ANXA4: variants seen among roughly 807,000 people sequenced by gnomAD.
ANXA4 encodes annexin A4.
In ANXA4, 39 loss-of-function variants were observed where a neutral mutation model predicts 49.8. That is an observed-to-expected ratio of 0.78 (90% CI 0.61 to 1.02). The LOEUF (loss-of-function observed/expected upper bound fraction) is 1.02, where lower values mean the gene tolerates loss of function less well. ANXA4 is among the 50% of genes least tolerant of loss of function. The pLI is 0.00. For synonymous variants in ANXA4, 134 were observed against 152.5 expected, an observed-to-expected ratio of 0.88 and a Z score of 0.89; for missense variants, 360 against 410.1, an observed-to-expected ratio of 0.88 and a Z score of 1.05.
chr2:69,786,088 T>C (rs1243903071), intron 2 of ANXA4, among the ~76,000 whole-genome samples: 2 of 152,238 alleles, frequency 1.3e-5, no homozygotes, highest in African/African-American at 4.8e-5. Flanking sequence ...GGATATTTAA[T>C]GGACATCCCA....
chr2:69,719,779 A>C (rs1290365172), intron 2 of ANXA4, among the ~76,000 whole-genome samples: 1 of 152,104 alleles, frequency 6.6e-6, no homozygotes, highest in East Asian at 1.9e-4. Flanking sequence ...AAAAATCATT[A>C]GTTAAAAATC....
At chr2:69,666,285 T>C (rs1676930497) in intron 2 of ANXA4, among the ~76,000 whole-genome samples, 1 of 152,108 alleles carries the variant, frequency 6.6e-6, no homozygotes, top group African/African-American at 2.4e-5. Context: ...AAAACCACAA[T>C]GAGATACTAC....
chr2:69,667,806 T>C (rs1009784991), intron 2 of ANXA4, among the ~76,000 whole-genome samples: 16 of 152,248 alleles, frequency 1.1e-4, no homozygotes, highest in African/African-American at 3.4e-4. Flanking sequence ...GACTTGCTGC[T>C]GCACCCGGAA....
intron 2 of ANXA4, among the ~76,000 whole-genome samples, chr2:69,686,507 C>T (rs550004349): frequency 3.9e-5 from 6 of 152,306 alleles, no homozygotes; most frequent in Non-Finnish European, 7.3e-5. Context: ...GGCTGGAGTA[C>T]GGTGGCGTGA....
intron 2 of ANXA4, among the ~76,000 whole-genome samples, chr2:69,659,984 C>A (rs1011203758): frequency 1.3e-5 from 2 of 152,060 alleles, no homozygotes; most frequent in Non-Finnish European, 2.9e-5. Flanking sequence ...GAAGCTGGAA[C>A]TCTCAAAGAG....
chr2:69,668,391 T>C (rs1015322199), intron 2 of ANXA4, among the ~76,000 whole-genome samples: 5 of 152,050 alleles, frequency 3.3e-5, no homozygotes, highest in Admixed American at 1.3e-4. Context: ...GTGGGAGGAT[T>C]GCTTGAGCCC....
chr2:69,769,492 A>G (rs1671628032), intron 1 of ANXA4, among the ~76,000 whole-genome samples: 1 of 152,152 alleles, frequency 6.6e-6, no homozygotes, highest in Non-Finnish European at 1.5e-5. Context: ...AATAATAGTC[A>G]TTGTCCCAGA....
intron 1 of ANXA4, among the ~76,000 whole-genome samples, chr2:69,779,093 G>T (rs1401325116): frequency 2.9e-5 from 3 of 103,884 alleles, no homozygotes; most frequent in Non-Finnish European, 5.1e-5. Flanking sequence ...GGGCAACAGA[G>T]CAACACTCTG....
At chr2:69,670,329 A>G (rs1456401589) in intron 2 of ANXA4, among the ~76,000 whole-genome samples, 1 of 151,642 alleles carries the variant, frequency 6.6e-6, no homozygotes, top group African/African-American at 2.4e-5. Flanking sequence ...AGTCCCAGCT[A>G]CTTGGGAGGC....
At chr2:69,663,221 C>T (rs572029675) in intron 2 of ANXA4, among the ~76,000 whole-genome samples, 2 of 148,762 alleles carry the variant, frequency 1.3e-5, no homozygotes, top group African/African-American at 5.0e-5. Flanking sequence ...GTCTCGATCT[C>T]CTGACCTCAT....
chr2:69,791,609 T>A (rs1672692792), intron 3 of ANXA4, among the ~76,000 whole-genome samples: 1 of 152,230 alleles, frequency 6.6e-6, no homozygotes, highest in Non-Finnish European at 1.5e-5. Context: ...GTTCTAAGAA[T>A]AAGTGAAGAA....
At position 69,783,321 on chromosome 2, in the gene ANXA4, T is replaced by C. The variant is rs181977567; in HGVS notation, c.9+1747T>C. Among the ~76,000 whole-genome samples the C allele has an allele frequency of 4.9e-3, 747 of 152,208 alleles. 4 individuals are homozygous for C. The highest frequency in any genetic ancestry group is 0.017 in the African/African-American group (706 of 41,520). ...CCACCTCCGTCGTAGGTTTAAGCGG[T>C]TCCCCTGCCTCAGCCTCCTGAGTAG... is the stretch of plus-strand genomic sequence containing the variant. On this transcript the variant is annotated intron_variant, in intron 2 of 12. Coordinates refer to ENST00000394295, the MANE Select transcript of ANXA4 (RefSeq NM_001153.5).
chr2:69,807,973 G>A lies in ANXA4; in HGVS notation c.374G>A (p.Arg125His), dbSNP rs770362785. ...LASRTPEEIRRISQTYQQQYG... is the reference protein window; with the variant it reads ...LASRTPEEIRHISQTYQQQYG... The stretch of plus-strand genomic sequence containing the variant: ...TCCCGGACCCCTGAGGAGATCCGGC[G>A]CATAAGCCAAACCTACCAGCAGCGT... Residue 125 changes from arginine (R) to histidine (H), a missense_variant, in exon 6 of 13, where the codon CGC (arginine) becomes CAC (histidine). Arg to His is a conservative substitution (Grantham distance 29). Transcript: ENST00000394295. The A allele has an allele frequency of 5.0e-6, 8 of 1,614,092 alleles. No individual in the cohort carries two copies. In the East Asian group the frequency reaches 6.7e-5, roughly 13 times the overall value.
intron 2 of ANXA4, among the ~76,000 whole-genome samples, chr2:69,707,134 C>G (rs1306404610): frequency 1.3e-5 from 2 of 152,096 alleles, no homozygotes; most frequent in African/African-American, 4.8e-5. Context: ...TCATTTAGCT[C>G]TGGTATAGGG....
intron 5 of ANXA4, 23 bp downstream of exon 5, chr2:69,806,521 T>C (rs2103820463): frequency 6.3e-7 from 1 of 1,586,698 alleles, no homozygotes; most frequent in Non-Finnish European, 8.7e-7. Context: ...CCTCTCGTGC[T>C]CTTGGTGCTG....
chr2:69,758,496 C>T (rs1350311364), intron 1 of ANXA4, among the ~76,000 whole-genome samples: 3 of 152,172 alleles, frequency 2.0e-5, no homozygotes, highest in Non-Finnish European at 2.9e-5. Context: ...GTGGCACATG[C>T]CTGTAGTCCC....
chr2:69,644,754 C>T (rs899743139), exon 1 of ANXA4: 2 of 152,246 alleles, frequency 1.3e-5, no homozygotes, highest in Non-Finnish European at 2.9e-5. Context: ...AGCTCCCTTG[C>T]ACACAAGAAC....
chr2:69,778,427 A>C (rs1195696075), intron 1 of ANXA4, among the ~76,000 whole-genome samples: 1 of 152,236 alleles, frequency 6.6e-6, no homozygotes. Flanking sequence ...ACTGTCACCA[A>C]GTCAACTGTC....
At chr2:69,772,719 T>G (rs1671777619) in intron 1 of ANXA4, among the ~76,000 whole-genome samples, 1 of 152,136 alleles carries the variant, frequency 6.6e-6, no homozygotes, top group Non-Finnish European at 1.5e-5. Flanking sequence ...GTATATTCTA[T>G]TTAGAAATCT....
Sources: gnomAD v4.1 joint callset for allele counts (sites outside exome capture counted in the v4.1 genomes callset) on GRCh38, gnomAD v4.1.1 for gene constraint, MANE v1.5 for transcripts, NCBI Gene and HGNC (gene_info 2026-07-23, HGNC 2026-07-21) for gene names.